The following PARD3B variants were observed in gnomAD, a reference collection of about 807,000 sequenced individuals.
PARD3B encodes the protein partitioning defective 3 homolog B.
A neutral mutation model predicts 130.2 loss-of-function variants in PARD3B; 103 were observed. That is an observed-to-expected ratio of 0.79 (90% CI 0.67 to 0.93). The LOEUF (loss-of-function observed/expected upper bound fraction) is 0.93. PARD3B is among the 40% of genes least tolerant of loss of function. PARD3B has a pLI of 0.00. For missense variants in PARD3B, 1,609 were observed against 1,499.2 expected (o/e 1.07, Z -1.21); for synonymous variants, 583 against 553.2 (o/e 1.05, Z -0.76).
chr2:204,695,801 G>A (rs1157973526), intron 2 of PARD3B, among the ~76,000 whole-genome samples: 2 of 152,020 alleles, frequency 1.3e-5, no homozygotes, highest in African/African-American at 4.8e-5. Flanking sequence ...GAAGGGAGGA[G>A]GATGGTTATG....
At chr2:204,609,552 G>C (rs1001074579) in intron 1 of PARD3B, among the ~76,000 whole-genome samples, 2 of 152,144 alleles carry the variant, frequency 1.3e-5, no homozygotes, top group Non-Finnish European at 2.9e-5. Flanking sequence ...AGTCGGGAGT[G>C]GGGGTTACAG....
intron 1 of PARD3B, among the ~76,000 whole-genome samples, chr2:204,588,924 G>A (rs376154336): frequency 6.6e-6 from 1 of 152,172 alleles, no homozygotes; most frequent in East Asian, 1.9e-4. Context: ...CTCCTAAAAT[G>A]TGGTTTCAAG....
chr2:205,183,430 T>C lies in PARD3B; in HGVS notation c.1925-2334T>C, dbSNP rs535770071. ...TCCCAGGATGTCCATTGTCCCCAATTTACATTACAGTCCTTCTGTTCTGTT... is the reference window on the plus strand; with the variant it reads ...TCCCAGGATGTCCATTGTCCCCAATCTACATTACAGTCCTTCTGTTCTGTT... On this transcript the variant is annotated intron_variant, in intron 13 of 22. Coordinates refer to ENST00000406610, the MANE Select transcript of PARD3B (RefSeq NM_001302769.2). The surrounding 1 kb of genome is among the most constrained non-coding windows in gnomAD (Gnocchi z 5.2). 2.6e-5 allele frequency among the ~76,000 whole-genome samples: 4 copies of C among 152,130 alleles called. No homozygotes were observed. The highest frequency in any genetic ancestry group is 5.9e-5 in the Non-Finnish European group (4 of 67,994).
At chr2:205,379,853 A>G (rs1330542817) in intron 18 of PARD3B, among the ~76,000 whole-genome samples, 7 of 151,822 alleles carry the variant, frequency 4.6e-5, no homozygotes. Context: ...GTGGATCACA[A>G]GTTCAGGAGA....
chr2:205,567,154 G>A (rs1301433240), intron 22 of PARD3B, among the ~76,000 whole-genome samples: 1 of 152,046 alleles, frequency 6.6e-6, no homozygotes, highest in Non-Finnish European at 1.5e-5. Context: ...GGCTCAGGAA[G>A]TATCAGTGTG....
At position 205,176,216 on chromosome 2, in the gene PARD3B, G is replaced by A. The variant is rs1240849854; in HGVS notation, c.1792-229G>A. On this transcript the variant is annotated intron_variant, in intron 12 of 22. Coordinates refer to ENST00000406610, the MANE Select transcript of PARD3B (RefSeq NM_001302769.2). This position sits in a 1 kb window ranked among gnomAD's most constrained non-coding sequence, Gnocchi z 5.3. ...AATAATAAAGTTAATCCTCTTTTGT[G>A]TTGGCTATCAGCACTCCTAATCCTT... 2.0e-5 allele frequency among the ~76,000 whole-genome samples: 3 copies of A among 152,174 alleles called. No individual in the cohort carries two copies. Among genetic ancestry groups the A allele is most frequent in the African/African-American group, 7.2e-5 (3 of 41,446 alleles).
chr2:205,186,646 C>T lies in PARD3B; in HGVS notation c.2024+783C>T, dbSNP rs372049764. Among the ~76,000 whole-genome samples the T allele has an allele frequency of 4.6e-5, 7 of 152,260 alleles. No individual in the cohort carries two copies. The South Asian group carries it at 1.5e-3, about 32-fold the overall frequency. On this transcript the variant is annotated intron_variant, in intron 14 of 22. Coordinates refer to ENST00000406610, the MANE Select transcript of PARD3B (RefSeq NM_001302769.2). ...TTAATACAGTCTGCTAAAAATAAAG[C>T]AGCATGCCTTAGAGTATAGCTAACT...
At chr2:204,987,034 C>T (rs993552021) in intron 3 of PARD3B, among the ~76,000 whole-genome samples, 19 of 152,268 alleles carry the variant, frequency 1.2e-4, no homozygotes, top group African/African-American at 3.9e-4. Flanking sequence ...GGGACTCTCT[C>T]GTGTGGCTGT....
rs1347499982 is a variant in PARD3B, at chr2:204,967,504, C to T, written c.394+2181C>T. ...ACGACCTTCACTGGCTTCCCATCAC[C>T]CTGAGAACCATATCTAAACTCGTTA... On this transcript the variant is annotated intron_variant, in intron 3 of 22. Transcript: ENST00000406610. The surrounding 1 kb of genome is among the most constrained non-coding windows in gnomAD (Gnocchi z 4.4). Among the ~76,000 whole-genome samples, 1 of 152,094 alleles carries T rather than the reference C, an allele frequency of 6.6e-6. No homozygotes were observed. Among genetic ancestry groups the T allele is most frequent in the African/African-American group, 2.4e-5 (1 of 41,408 alleles).
chr2:204,704,238 A>G (rs2038028448), intron 2 of PARD3B, among the ~76,000 whole-genome samples: 1 of 152,196 alleles, frequency 6.6e-6, no homozygotes, highest in Non-Finnish European at 1.5e-5. Context: ...AAAATCATGC[A>G]GATATTATTG....
chr2:204,794,994 T>G (rs2042321554), intron 2 of PARD3B, among the ~76,000 whole-genome samples: 1 of 152,226 alleles, frequency 6.6e-6, no homozygotes, highest in South Asian at 2.1e-4. Context: ...TAGTTAAAGA[T>G]TGGTGTCATT....
chr2:204,893,449 T>G lies in PARD3B; in HGVS notation c.223-71703T>G, dbSNP rs565070832. Among the ~76,000 whole-genome samples the G allele has an allele frequency of 2.0e-4, 30 of 150,452 alleles. No individual in the cohort carries two copies. In the East Asian group the frequency reaches 5.1e-3, roughly 25 times the overall value. ...ACCACAAGTATAACTAAATAAATGGTTTTTTTTTGCATGATAGATTAATAA... is the reference window on the plus strand; with the variant it reads ...ACCACAAGTATAACTAAATAAATGGGTTTTTTTTGCATGATAGATTAATAA... On this transcript the variant is annotated intron_variant, in intron 2 of 22. Coordinates refer to ENST00000406610, the MANE Select transcript of PARD3B (RefSeq NM_001302769.2).
chr2:204,807,684 C>A lies in PARD3B; in HGVS notation c.222+121402C>A, dbSNP rs530458268. Among the ~76,000 whole-genome samples the A allele has an allele frequency of 3.9e-5, 6 of 152,202 alleles. No individual in the cohort carries two copies. The South Asian group carries it at 1.2e-3, about 32-fold the overall frequency. On this transcript the variant is annotated intron_variant, in intron 2 of 22. Transcript: ENST00000406610. Reference sequence around the variant, plus strand: ...AAAAAGAACGAAAGCCTATCATTTGCAACATGGATAGAACTGGAGGACATT... The same window carrying A: ...AAAAAGAACGAAAGCCTATCATTTGAAACATGGATAGAACTGGAGGACATT...
At chr2:205,195,067 G>T (rs966819167) in intron 15 of PARD3B, among the ~76,000 whole-genome samples, 1 of 150,696 alleles carries the variant, frequency 6.6e-6, no homozygotes, top group African/African-American at 2.4e-5. Context: ...CCAAAGTGCT[G>T]GGATTACAGG....
intron 1 of PARD3B, among the ~76,000 whole-genome samples, chr2:204,657,413 AAAGGATTACTTGAGCCC>A (rs1217521856): frequency 5.9e-5 from 9 of 152,128 alleles, no homozygotes; most frequent in Non-Finnish European, 1.3e-4. Context: ...GACTGAGGTC[AAAGGATTACTTGAGCCC>A]AAGATGTTGA....
In PARD3B at chr2:204,799,898, C is replaced by T. The variant is rs138188770; in HGVS notation, c.222+113616C>T. Among the ~76,000 whole-genome samples, 226 of 152,262 alleles carry T rather than the reference C, an allele frequency of 1.5e-3. 1 individual carries two copies. The highest frequency in any genetic ancestry group is 5.0e-3 in the African/African-American group (209 of 41,554). Reference sequence around the variant, plus strand: ...TCCCTTGGAATACTTGGTAAGCCTTCCTAAGAAGGGTGGGTACAAACAAGC... The same window carrying T: ...TCCCTTGGAATACTTGGTAAGCCTTTCTAAGAAGGGTGGGTACAAACAAGC... On this transcript the variant is annotated intron_variant, in intron 2 of 22. Coordinates refer to ENST00000406610, the MANE Select transcript of PARD3B (RefSeq NM_001302769.2). This position sits in a 1 kb window ranked among gnomAD's most constrained non-coding sequence, Gnocchi z 4.1.
chr2:204,825,639 G>C (rs554805733), intron 2 of PARD3B, among the ~76,000 whole-genome samples: 2 of 152,328 alleles, frequency 1.3e-5, no homozygotes, highest in African/African-American at 2.4e-5. Context: ...TCTGGCATTG[G>C]AGAGTGGCCA....
At chr2:204,601,033 G>T (rs10175139) in intron 1 of PARD3B, among the ~76,000 whole-genome samples, 106,120 of 151,518 alleles carry the variant, frequency 0.7, 38,021 homozygotes, top group Middle Eastern at 0.79. Context: ...GGGACTGATC[G>T]TTAAGCACAT....
At chr2:204,793,097 T>A (rs970648010) in intron 2 of PARD3B, among the ~76,000 whole-genome samples, 1 of 152,150 alleles carries the variant, frequency 6.6e-6, no homozygotes, top group Admixed American at 6.5e-5. Context: ...TCAAAAGAAG[T>A]CCCCAGTAAT....
Sources: allele counts gnomAD v4.1 joint callset (sites outside exome capture counted in the v4.1 genomes callset), GRCh38; gene constraint gnomAD v4.1.1; non-coding constraint Gnocchi (gnomAD v3.1); transcripts MANE v1.5; gene names NCBI Gene and HGNC (gene_info 2026-07-23, HGNC 2026-07-21).